The following DIDO1 variants were observed in gnomAD, a reference collection of about 807,000 sequenced individuals.
The protein encoded by DIDO1 is death inducer-obliterator 1, also known as death-inducer obliterator 1.
DIDO1 carries 16 observed loss-of-function variants against 99.4 expected under a neutral mutation model. The observed-to-expected ratio is 0.16, with a 90% CI of 0.11 to 0.24. The LOEUF is 0.24. Among genes scored for constraint, DIDO1 ranks in the 10% least tolerant of loss-of-function variants. The pLI is 1.00. For synonymous variants in DIDO1, 1,366 were observed against 1,239.1 expected (o/e 1.10, Z -2.15); for missense variants, 2,996 against 3,014.0 (o/e 0.99, Z 0.14).
In DIDO1 at chr20:62,879,388, C is replaced by T; in HGVS notation, c.6568G>A (p.Asp2190Asn). 1 of 1,544,316 alleles carries T rather than the reference C, an allele frequency of 6.5e-7. No individual in the cohort carries two copies. The highest frequency in any genetic ancestry group is 8.7e-7 in the Non-Finnish European group (1 of 1,147,610). Residue 2190 changes from aspartate to asparagine, a missense_variant, in exon 16 of 16, where the codon GAC becomes AAC. This residue lies in a region of DIDO1 where 1,562 missense variants were observed against 1,412.6 expected (regional missense o/e 1.11). Transcript: ENST00000395343. This position sits in a 1 kb window ranked among gnomAD's most constrained non-coding sequence, Gnocchi z 6.3. ...TCCCGCTCTCTGCTCCGGGACCGGTCCCGGTCGCGCCTCCGGTCTCGCTCG... is the reference window on the plus strand; with the variant it reads ...TCCCGCTCTCTGCTCCGGGACCGGTTCCGGTCGCGCCTCCGGTCTCGCTCG... ...ERERDRRRDR[D>N]RSRSRERDRD...
At chr20:62,887,228 G>A in intron 15 of DIDO1, 1 of 985,480 alleles carries the variant, frequency 1.0e-6, no homozygotes, top group Non-Finnish European at 1.2e-6. Flanking sequence ...CATGAAAGAT[G>A]TTTATTGATT....
At chr20:62,899,689 T>G (rs2064618909) in intron 6 of DIDO1, among the ~76,000 whole-genome samples, 1 of 152,224 alleles carries the variant, frequency 6.6e-6, no homozygotes, top group Non-Finnish European at 1.5e-5. Flanking sequence ...AAAGGCAACC[T>G]TTGTCATCCC....
rs557716115 is a variant in DIDO1 at position 62,909,924 on chromosome 20, T to G, written c.936A>C (p.Glu312Asp). Residue 312 changes from glutamate to aspartate, a missense_variant, in exon 4 of 16, where the codon GAA (glutamate) becomes GAC (aspartate). By Grantham distance (45) the Glu-to-Asp change is conservative. Around this residue, in one of 5 missense-constraint regions of DIDO1, gnomAD observed 898 missense variants for 972.7 expected, o/e 0.92. Coordinates refer to ENST00000395343, the MANE Select transcript of DIDO1 (RefSeq NM_001193369.2). Reference protein sequence around the residue: ...ARGRLLERNGEDYICPNCTIL... With the variant: ...ARGRLLERNGDDYICPNCTIL... ...TGGTGCAGTTTGGGCAGATATAGTC[T>G]TCCCCATTCCTTTCCAAAAGCCTCC... 6.2e-7 allele frequency: 1 copy of G among 1,614,034 alleles called. No individual in the cohort carries two copies. Among genetic ancestry groups the G allele is most frequent in the Non-Finnish European group, 8.5e-7 (1 of 1,180,040 alleles).
At position 62,882,187 on chromosome 20, in the gene DIDO1, G is replaced by C. The variant is rs906699124; in HGVS notation, c.3769C>G (p.Pro1257Ala). ...GGCGGAGGCGGCGGCGACCCAGGAG[G>C]TGTGGTGCTGACAGCCGCGTCTGCA... Reference protein sequence around the residue: ...CSADAAVSTTPPGSPPPPPPL... With the variant: ...CSADAAVSTTAPGSPPPPPPL... Residue 1257 changes from proline (P) to alanine (A), a missense_variant, in exon 16 of 16, where the codon CCT becomes GCT. By Grantham distance (27) the Pro-to-Ala change is conservative (BLOSUM62 -1). Around this residue, in one of 5 missense-constraint regions of DIDO1, gnomAD observed 1,562 missense variants for 1,412.6 expected, o/e 1.11. Transcript: ENST00000395343. 1.9e-6 allele frequency: 3 copies of C among 1,613,534 alleles called. No individual in the cohort carries two copies. In the South Asian group the frequency reaches 3.3e-5, roughly 18 times the overall value.
intron 1 of DIDO1, among the ~76,000 whole-genome samples, chr20:62,922,076 CTATATACACACTA>C (rs61488481): frequency 0.013 from 1,903 of 148,230 alleles, 34 homozygotes; most frequent in African/African-American, 0.042. Context: ...ACTATATACA[CTATATACACACTA>C]TATATACACA....
rs755810723 is a variant in DIDO1 at position 62,882,157 on chromosome 20, G to A, written c.3799C>T (p.Leu1267Phe). Residue 1267 changes from leucine to phenylalanine, a missense_variant, in exon 16 of 16, where the codon CTT becomes TTT. This residue lies in a region of DIDO1 where 1,562 missense variants were observed against 1,412.6 expected (regional missense o/e 1.11). Transcript: ENST00000395343. ...ACTTTTAGCACCGGTGGTTCTGGAA[G>A]AGGGGGCGGAGGCGGCGGCGACCCA... ...PPGSPPPPPP[L>F]PEPPVLKVLS... 1.9e-6 allele frequency: 3 copies of A among 1,613,234 alleles called. No individual in the cohort carries two copies. The highest frequency in any genetic ancestry group is 2.5e-6 in the Non-Finnish European group (3 of 1,180,034).
At chr20:62,900,515 A>G (rs1360693222) in intron 6 of DIDO1, among the ~76,000 whole-genome samples, 1 of 152,182 alleles carries the variant, frequency 6.6e-6, no homozygotes, top group Non-Finnish European at 1.5e-5. Context: ...TCTCTGCAGA[A>G]CCCATCCAAT....
chr20:62,924,071 T>C (rs1415792717), intron 1 of DIDO1, among the ~76,000 whole-genome samples: 1 of 152,254 alleles, frequency 6.6e-6, no homozygotes, highest in Non-Finnish European at 1.5e-5. Context: ...CTGGACTTTG[T>C]TCTTTGACCT....
intron 6 of DIDO1, among the ~76,000 whole-genome samples, chr20:62,897,220 G>A (rs1353874777): frequency 6.6e-6 from 1 of 152,212 alleles, no homozygotes; most frequent in Non-Finnish European, 1.5e-5. Flanking sequence ...TCAGAAAGAA[G>A]AATGCTTTAT....
chr20:62,918,942 C>T (rs1010082885), intron 1 of DIDO1, among the ~76,000 whole-genome samples: 3 of 152,066 alleles, frequency 2.0e-5, no homozygotes, highest in Non-Finnish European at 2.9e-5. Flanking sequence ...TTCATTAATG[C>T]GACAGTCACT....
rs2064895757 is a variant in DIDO1 at position 62,910,073 on chromosome 20, T to C, written c.840-53A>G. 4 of 1,542,594 alleles carry C rather than the reference T, an allele frequency of 2.6e-6. No homozygotes were observed. The Admixed American group carries it at 5.4e-5, about 21-fold the overall frequency. On this transcript the variant is annotated intron_variant, in intron 3 of 15. Coordinates refer to ENST00000395343, the MANE Select transcript of DIDO1 (RefSeq NM_001193369.2). ...AATGGGACGTGAGTGACAAGCACTT[T>C]TCAACACATTAATAAGACAATTGGT...
chr20:62,889,102 G>A (rs902130473), intron 15 of DIDO1: 37 of 985,404 alleles, frequency 3.8e-5, no homozygotes, highest in Admixed American at 6.1e-5. Context: ...CCAGCTGGTC[G>A]CGGAGCTGAC....
At chr20:62,927,085 T>G (rs1197869885), upstream of DIDO1, among the ~76,000 whole-genome samples, 1 of 151,826 alleles carries the variant, frequency 6.6e-6, no homozygotes, top group Non-Finnish European at 1.5e-5. Context: ...CACCCCAAGC[T>G]CGGCTCCAGA....
rs746576252 is a variant in DIDO1 at position 62,879,388 on chromosome 20, C to G, written c.6568G>C (p.Asp2190His). 7 of 1,544,316 alleles carry G rather than the reference C, an allele frequency of 4.5e-6. No homozygotes were observed. Among genetic ancestry groups the G allele is most frequent in the Admixed American group, 2.0e-5 (1 of 51,148 alleles). The part of the protein sequence containing the change: ...ERERDRRRDR[D>H]RSRSRERDRD... The stretch of plus-strand genomic sequence containing the variant: ...TCCCGCTCTCTGCTCCGGGACCGGT[C>G]CCGGTCGCGCCTCCGGTCTCGCTCG... The change falls in exon 16 of 16, where the codon GAC becomes CAC. Residue 2190 changes from aspartate (D) to histidine (H), a missense_variant. Around this residue, in one of 5 missense-constraint regions of DIDO1, gnomAD observed 1,562 missense variants for 1,412.6 expected, o/e 1.11. Transcript: ENST00000395343. This position sits in a 1 kb window ranked among gnomAD's most constrained non-coding sequence, Gnocchi z 6.3.
At chr20:62,882,562 G>C in intron 15 of DIDO1, 148 bp from the exon 16 acceptor site, 1 of 796,542 alleles carries the variant, frequency 1.3e-6, no homozygotes, top group Non-Finnish European at 1.9e-6. Flanking sequence ...TGTCAAGACA[G>C]TTGCAAAAGC....
chr20:62,898,574 TC>T (rs2064589142), intron 6 of DIDO1, among the ~76,000 whole-genome samples: 1 of 152,166 alleles, frequency 6.6e-6, no homozygotes, highest in African/African-American at 2.4e-5. Flanking sequence ...TAAAGGCAAA[TC>T]CTGTATTTTC....
intron 3 of DIDO1, 98 bp downstream of exon 3, chr20:62,910,676 G>C: frequency 7.4e-7 from 1 of 1,342,852 alleles, no homozygotes; most frequent in Non-Finnish European, 1.0e-6. Context: ...CCAACAAATC[G>C]CTCATCCAGC....
rs762714731 is a variant in DIDO1, at chr20:62,879,513, T to C, written c.6443A>G (p.Asp2148Gly). The C allele has an allele frequency of 6.3e-7, 1 of 1,598,790 alleles. No homozygotes were observed. Among genetic ancestry groups the C allele is most frequent in the Admixed American group, 1.7e-5 (1 of 59,778 alleles). The stretch of plus-strand genomic sequence containing the variant: ...GTTGGCGCTCCTCTCCCGGTTTCTG[T>C]CCCAGTCCCGGCTGGAGTCCTTGTC... The part of the protein sequence containing the change: ...HRDKDSSRDW[D>G]RNRERSANRD... The change falls in exon 16 of 16, where the codon GAC becomes GGC. Residue 2148 changes from aspartate to glycine, a missense_variant. Around this residue, in one of 5 missense-constraint regions of DIDO1, gnomAD observed 1,562 missense variants for 1,412.6 expected, o/e 1.11. Coordinates refer to ENST00000395343, the MANE Select transcript of DIDO1 (RefSeq NM_001193369.2). This position sits in a 1 kb window ranked among gnomAD's most constrained non-coding sequence, Gnocchi z 6.3.
In DIDO1 at chr20:62,910,075, C is replaced by T. The variant is rs1020849129; in HGVS notation, c.840-55G>A. On this transcript the variant is annotated intron_variant, in intron 3 of 15. Transcript: ENST00000395343. ...TGGGACGTGAGTGACAAGCACTTTTCAACACATTAATAAGACAATTGGTTT... is the reference window on the plus strand; with the variant it reads ...TGGGACGTGAGTGACAAGCACTTTTTAACACATTAATAAGACAATTGGTTT... The T allele has an allele frequency of 2.1e-5, 32 of 1,541,272 alleles. No homozygotes were observed. In the African/African-American group the frequency reaches 4.4e-4, roughly 21 times the overall value.
Sources: gnomAD v4.1 joint callset for allele counts (sites outside exome capture counted in the v4.1 genomes callset) on GRCh38, gnomAD v4.1.1 for gene constraint, gnomAD v4.1.1 regional missense constraint, Gnocchi (gnomAD v3.1) non-coding constraint, MANE v1.5 for transcripts, NCBI Gene and HGNC (gene_info 2026-07-23, HGNC 2026-07-21) for gene names.